Variants in PABIR3 observed in about 807,000 individuals in gnomAD.
The protein encoded by PABIR3 is PABIR family member 1.
Under a neutral mutation model 23.1 loss-of-function variants are expected in PABIR3, and 20 were observed. The ratio of observed to expected loss-of-function variants is 0.86; its 90% confidence interval spans 0.61 to 1.26. The LOEUF (loss-of-function observed/expected upper bound fraction) is 1.26. PABIR3 is among the 50% of genes most tolerant of loss of function. The pLI is 0.00. For synonymous variants in PABIR3, 69 were observed against 68.5 expected (o/e 1.01, Z -0.04); for missense variants, 189 against 195.4 (o/e 0.97, Z 0.20).
intron 2 of PABIR3, chrX:134,811,198 G>A: frequency 2.8e-6 from 2 of 725,807 alleles, no homozygotes; most frequent in Non-Finnish European, 3.3e-6. Context: ...TGAACCTCTT[G>A]GTTCTTTATA....
downstream of PABIR3, among the ~76,000 whole-genome samples, chrX:134,855,761 T>A (rs749504600): frequency 8.9e-6 from 1 of 111,913 alleles, no homozygotes; most frequent in East Asian, 2.8e-4. Flanking sequence ...TATGAATAGA[T>A]GAAACCAACT....
upstream of PABIR3, chrX:134,796,491 A>G (rs1603097859): frequency 3.7e-6 from 1 of 270,034 alleles, no homozygotes; most frequent in East Asian, 6.5e-5. Flanking sequence ...GATGAAGGAA[A>G]GAAGGATGGA....
chrX:134,817,835 T>C (rs775575857), intron 3 of PABIR3, among the ~76,000 whole-genome samples: 5 of 110,982 alleles, frequency 4.5e-5, no homozygotes, highest in Admixed American at 1.9e-4. Flanking sequence ...ATGATTGACA[T>C]GATCAGATTT....
chrX:134,822,043 T>A, intron 3 of PABIR3: 1 of 756,342 alleles, frequency 1.3e-6, no homozygotes. Context: ...TAATTCTTAG[T>A]AATTAGCTTC....
intron 4 of PABIR3, among the ~76,000 whole-genome samples, chrX:134,841,743 C>T (rs2082241290): frequency 9.1e-6 from 1 of 110,349 alleles, no homozygotes; most frequent in African/African-American, 3.3e-5. Context: ...GCAGGAGAAT[C>T]GCTTGAACCT....
upstream of PABIR3, among the ~76,000 whole-genome samples, chrX:134,806,069 G>A (rs1322683224): frequency 1.8e-5 from 2 of 112,047 alleles, no homozygotes; most frequent in African/African-American, 6.5e-5. Context: ...AGTACTCAGT[G>A]TGGCTCATTA....
At chrX:134,821,244 T>TAAAAAAA in intron 3 of PABIR3, 7 of 570,907 alleles carry the variant, frequency 1.2e-5, no homozygotes, top group African/African-American at 3.6e-5. Flanking sequence ...CCAAGCATTG[T>TAAAAAAA]AAAAAAAAAA....
chrX:134,805,048 G>C (rs1007650578), upstream of PABIR3, among the ~76,000 whole-genome samples: 16 of 112,622 alleles, frequency 1.4e-4, no homozygotes, highest in Admixed American at 4.7e-4. Flanking sequence ...ATTTAAACCT[G>C]CATTTATTCA....
downstream of PABIR3, among the ~76,000 whole-genome samples, chrX:134,858,406 C>G (rs190308980): frequency 1.8e-5 from 2 of 111,610 alleles, no homozygotes; most frequent in Admixed American, 1.9e-4. Context: ...CTGCATTAAT[C>G]TTTGTCCCTA....
rs185606801 is a variant in PABIR3, at chrX:134,808,632, G to A, written c.110+924G>A. 5.4e-5 allele frequency among the ~76,000 whole-genome samples: 6 copies of A among 111,556 alleles called. No homozygotes were observed. In the Admixed American group the frequency reaches 5.7e-4, roughly 11 times the overall value. On this transcript the variant is annotated intron_variant, in intron 2 of 10. Transcript: ENST00000645433. Reference sequence around the variant, plus strand: ...CCTGACCTCGTGATCCGCCCGCCTCGGCCTCCCAAAGTGCTGGGATTACAG... The same window carrying A: ...CCTGACCTCGTGATCCGCCCGCCTCAGCCTCCCAAAGTGCTGGGATTACAG...
At chrX:134,856,213 G>A (rs1249661895), downstream of PABIR3, among the ~76,000 whole-genome samples, 1 of 100,639 alleles carries the variant, frequency 9.9e-6, no homozygotes, top group Non-Finnish European at 2.0e-5. Flanking sequence ...TTGAGACGGA[G>A]TCTCGCTCTA....
intron 3 of PABIR3, chrX:134,821,410 T>G: frequency 8.7e-7 from 1 of 1,155,734 alleles, no homozygotes; most frequent in Non-Finnish European, 1.1e-6. Flanking sequence ...AAATCGCCCC[T>G]TTGCTTTATC....
At chrX:134,841,341 C>T (rs968160931) in intron 4 of PABIR3, among the ~76,000 whole-genome samples, 5 of 111,015 alleles carry the variant, frequency 4.5e-5, no homozygotes, top group East Asian at 2.8e-4. Flanking sequence ...ATACTATAGA[C>T]GAAAATCTTT....
At chrX:134,861,091 A>G in the PABIR3 span, among the ~76,000 whole-genome samples, 1 of 111,049 alleles carries the variant, frequency 9.0e-6, no homozygotes, top group African/African-American at 3.3e-5. Flanking sequence ...CCTGGCCAAT[A>G]TGGTGAAACC....
chrX:134,861,673 C>CAAAAAAAA, the PABIR3 span, among the ~76,000 whole-genome samples: 1 of 30,940 alleles, frequency 3.2e-5, no homozygotes, highest in Non-Finnish European at 5.9e-5. Flanking sequence ...GACTCCGCCT[C>CAAAAAAAA]AAAAAAAAAA....
upstream of PABIR3, among the ~76,000 whole-genome samples, chrX:134,805,693 T>G (rs2148071512): frequency 9.1e-6 from 1 of 110,475 alleles, no homozygotes; most frequent in Non-Finnish European, 1.9e-5. Context: ...AGGTCGGGAG[T>G]TCGAGACCAG....
rs994585878 is a variant in PABIR3, at chrX:134,828,386, C to A, written c.190-840C>A. On this transcript the variant is annotated intron_variant, in intron 3 of 10. Transcript: ENST00000645433. The stretch of plus-strand genomic sequence containing the variant: ...GAATACAGGCATGAGCTACCGCGCC[C>A]GGCCTCATTCAATATTTTGAATGTA... Among the ~76,000 whole-genome samples the A allele has an allele frequency of 5.2e-4, 58 of 111,181 alleles. 1 individual carries two copies. Among genetic ancestry groups the A allele is most frequent in the Non-Finnish European group, 7.5e-5 (4 of 53,097 alleles).
chrX:134,814,770 G>A lies in PABIR3; in HGVS notation c.111-1G>A. On this transcript the variant is annotated splice_acceptor_variant, in intron 2 of 10. Coordinates refer to ENST00000645433, the MANE Select transcript of PABIR3 (RefSeq NM_001388447.1). LOFTEE classifies it high-confidence loss of function. ...ACACATGTTTTTGTTTTTCTTTTTA[G>A]TTTTAATTCACAGGTGTTGCAAGCT... 1 of 1,146,321 alleles carries A rather than the reference G, an allele frequency of 8.7e-7. No homozygotes were observed. The highest frequency in any genetic ancestry group is 1.9e-5 in the South Asian group (1 of 51,754). The allele number at this position is 1,146,321 out of a possible 1,213,427, so 94.5% of individuals were successfully genotyped here.
At chrX:134,830,325 CTTT>C (rs766717674) in intron 4 of PABIR3, among the ~76,000 whole-genome samples, 22 of 62,544 alleles carry the variant, frequency 3.5e-4, no homozygotes, top group Non-Finnish European at 5.6e-4. Context: ...GGTTTTTTTC[CTTT>C]TTTTTTTTTT....
Sources: allele counts gnomAD v4.1 joint callset (sites outside exome capture counted in the v4.1 genomes callset), GRCh38; gene constraint gnomAD v4.1.1; transcripts MANE v1.5; gene names NCBI Gene and HGNC (gene_info 2026-07-23, HGNC 2026-07-21).